The following ADAMTSL1 variants were observed in gnomAD, a reference collection of about 807,000 sequenced individuals.
ADAMTSL1 encodes the protein ADAMTS-like protein 1.
Under a neutral mutation model 201.8 loss-of-function variants are expected in ADAMTSL1, and 126 were observed. That is an observed-to-expected ratio of 0.62 (90% confidence interval 0.54 to 0.72). The LOEUF is 0.72. Ranked by LOEUF, ADAMTSL1 falls within the 30% of genes least tolerant of loss-of-function variation. The pLI is 0.00. For missense variants in ADAMTSL1, 2,679 were observed against 2,277.8 expected, an observed-to-expected ratio of 1.18 and a Z score of -3.59; for synonymous variants, 1,121 against 903.4, an observed-to-expected ratio of 1.24 and a Z score of -4.32.
At chr9:18,174,518 A>T (rs955465683) in intron 2 of ADAMTSL1, among the ~76,000 whole-genome samples, 2 of 152,178 alleles carry the variant, frequency 1.3e-5, no homozygotes, top group African/African-American at 4.8e-5. Flanking sequence ...GTATGAGAGG[A>T]TACTTCAGGC....
chr9:18,155,112 G>A (rs1448852365), intron 1 of ADAMTSL1, among the ~76,000 whole-genome samples: 1 of 151,848 alleles, frequency 6.6e-6, no homozygotes, highest in Non-Finnish European at 1.5e-5. Flanking sequence ...AAATCTGTTT[G>A]GGTCCAAATT....
intron 23 of ADAMTSL1, among the ~76,000 whole-genome samples, chr9:18,841,134 T>C (rs1164267183): frequency 2.0e-5 from 3 of 151,732 alleles, no homozygotes; most frequent in African/African-American, 4.9e-5. Flanking sequence ...AGGGAATGCT[T>C]CCAGTTTTTG....
In ADAMTSL1 at chr9:18,900,775, C is replaced by A. The variant is rs1358170219; in HGVS notation, c.4852-5007C>A. The stretch of plus-strand genomic sequence containing the variant: ...AACAACACACACTGGGGCCTATTGG[C>A]GGTGGGGGTGGGGGTGGGAGGAGGG... On this transcript the variant is annotated intron_variant, in intron 26 of 28. Transcript: ENST00000380548. 6.0e-3 allele frequency among the ~76,000 whole-genome samples: 18 copies of A among 3,002 alleles called. No individual in the cohort carries two copies. In the East Asian group the frequency reaches 0.088, roughly 15 times the overall value. The allele number at this position is 3,002 out of a possible 152,430, so 2.0% of individuals were successfully genotyped here.
rs1027063674 is a variant in ADAMTSL1 at position 18,103,533 on chromosome 9, C to T, written c.88-60329C>T. Among the ~76,000 whole-genome samples, 5 of 152,088 alleles carry T rather than the reference C, an allele frequency of 3.3e-5. No homozygotes were observed. The South Asian group carries it at 1.0e-3, about 32-fold the overall frequency. ...GAATTTCTGAAAAATAGATACAAAA[C>T]CATCCCAGTTTCTTATAGCAAGTGG... On this transcript the variant is annotated intron_variant, in intron 1 of 29. Coordinates refer to the ADAMTSL1 transcript ENST00000680146.
intron 2 of ADAMTSL1, among the ~76,000 whole-genome samples, chr9:18,509,333 A>G (rs531544783): frequency 2.0e-5 from 3 of 149,326 alleles, no homozygotes; most frequent in African/African-American, 7.4e-5. Context: ...GGTTCTATCT[A>G]TTCTAGTACC....
At chr9:18,908,297 G>C (rs906480722) in intron 28 of ADAMTSL1, 145 bp from the exon 29 acceptor site, 5 of 695,768 alleles carry the variant, frequency 7.2e-6, no homozygotes, top group Non-Finnish European at 1.3e-5. Context: ...GTCAAAGTTA[G>C]GCTGGAGAGC....
At chr9:18,121,125 C>G (rs1229223831) in intron 1 of ADAMTSL1, among the ~76,000 whole-genome samples, 1 of 152,144 alleles carries the variant, frequency 6.6e-6, no homozygotes, top group Non-Finnish European at 1.5e-5. Context: ...CCAAAGGATA[C>G]AGTTGGCTCT....
intron 15 of ADAMTSL1, among the ~76,000 whole-genome samples, chr9:18,722,813 A>C (rs1172394271): frequency 6.6e-6 from 1 of 152,196 alleles, no homozygotes; most frequent in Non-Finnish European, 1.5e-5. Context: ...TTGGAGAAGC[A>C]CCCAACCCAT....
At chr9:18,492,620 C>G (rs1262282991) in intron 1 of ADAMTSL1, among the ~76,000 whole-genome samples, 1 of 152,056 alleles carries the variant, frequency 6.6e-6, no homozygotes, top group Non-Finnish European at 1.5e-5. Flanking sequence ...TGTATTAGCA[C>G]TTATATTTAA....
intron 1 of ADAMTSL1, among the ~76,000 whole-genome samples, chr9:18,025,690 C>A (rs188474858): frequency 1.3e-5 from 2 of 151,972 alleles, no homozygotes; most frequent in African/African-American, 4.8e-5. Flanking sequence ...TAATGTGATG[C>A]CTCTAGCTTT....
intron 2 of ADAMTSL1, among the ~76,000 whole-genome samples, chr9:18,246,566 A>G (rs1484334899): frequency 6.6e-6 from 1 of 152,158 alleles, no homozygotes; most frequent in Non-Finnish European, 1.5e-5. Flanking sequence ...GACTTTACCT[A>G]TATTTTCTTA....
intron 2 of ADAMTSL1, among the ~76,000 whole-genome samples, chr9:18,320,957 AAAT>A (rs2132852171): frequency 6.6e-6 from 1 of 152,212 alleles, no homozygotes; most frequent in Non-Finnish European, 1.5e-5. Context: ...ACAAATAACA[AAAT>A]AATAGATATA....
rs116593837 is a variant in ADAMTSL1 at position 18,881,734 on chromosome 9, A to G, written c.4250-6097A>G. Among the ~76,000 whole-genome samples, 1,081 of 152,356 alleles carry G rather than the reference A, an allele frequency of 7.1e-3. 13 individuals are homozygous for G. Among genetic ancestry groups the G allele is most frequent in the African/African-American group, 0.025 (1,034 of 41,588 alleles). ...TCAATTTGTAACAAATGCAGGATCC[A>G]TGAAGTGCAATAAAGCAAAGTACAA... is the stretch of plus-strand genomic sequence containing the variant. On this transcript the variant is annotated intron_variant, in intron 23 of 28. Transcript: ENST00000380548.
intron 4 of ADAMTSL1, among the ~76,000 whole-genome samples, chr9:18,582,532 C>T (rs1206325051): frequency 6.6e-6 from 1 of 152,064 alleles, no homozygotes; most frequent in Non-Finnish European, 1.5e-5. Flanking sequence ...GAATGAGTCT[C>T]ATGAGATCTG....
At chr9:17,976,926 A>G (rs1818476041) in intron 1 of ADAMTSL1, among the ~76,000 whole-genome samples, 1 of 152,014 alleles carries the variant, frequency 6.6e-6, no homozygotes. Context: ...TCTTAGAGAA[A>G]AAGCTTTTCA....
intron 1 of ADAMTSL1, among the ~76,000 whole-genome samples, chr9:17,931,538 A>C (rs116796631): frequency 1.3e-5 from 2 of 152,196 alleles, no homozygotes; most frequent in East Asian, 3.9e-4. Flanking sequence ...ATTTCAAAGA[A>C]GTTAGTTTGC....
chr9:18,638,145 C>T (rs1412671), intron 6 of ADAMTSL1, among the ~76,000 whole-genome samples: 71,460 of 151,810 alleles, frequency 0.47, 17,225 homozygotes, highest in Non-Finnish European at 0.52. Context: ...TGGCCTACTC[C>T]AGAAGAAAGT....
chr9:18,390,278 T>C (rs998213696), intron 2 of ADAMTSL1, among the ~76,000 whole-genome samples: 2 of 151,982 alleles, frequency 1.3e-5, no homozygotes, highest in Non-Finnish European at 2.9e-5. Flanking sequence ...AACCAAGAGG[T>C]AATTTTCCTC....
At chr9:18,646,084 C>T (rs1827792373) in intron 7 of ADAMTSL1, among the ~76,000 whole-genome samples, 1 of 151,876 alleles carries the variant, frequency 6.6e-6, no homozygotes, top group South Asian at 2.1e-4. Flanking sequence ...GTTTGTAGTT[C>T]TCCTTGAAGA....
Sources: allele counts gnomAD v4.1 joint callset (sites outside exome capture counted in the v4.1 genomes callset), GRCh38; gene constraint gnomAD v4.1.1; transcripts MANE v1.5; gene names NCBI Gene and HGNC (gene_info 2026-07-23, HGNC 2026-07-21).